The following SBNO1 variants were observed in gnomAD, a reference collection of about 807,000 sequenced individuals.
SBNO1 encodes the protein strawberry notch homolog 1.
In SBNO1, 23 loss-of-function variants were observed where a neutral mutation model predicts 173.6. That is an observed-to-expected ratio of 0.13 (90% CI 0.10 to 0.19). SBNO1 has a LOEUF of 0.19. Among genes scored for constraint, SBNO1 ranks in the 10% least tolerant of loss-of-function variants. SBNO1 has a pLI of 1.00. For synonymous variants in SBNO1, 632 were observed against 571.5 expected (o/e 1.11, Z -1.51); for missense variants, 1,238 against 1,671.2 (o/e 0.74, Z 4.52).
chr12:123,352,235 C>G (rs1273496055), intron 1 of SBNO1, among the ~76,000 whole-genome samples: 3 of 152,196 alleles, frequency 2.0e-5, no homozygotes, highest in Non-Finnish European at 4.4e-5. Flanking sequence ...TAATTTTCAG[C>G]TAGTCCATTT....
chr12:123,321,445 G>A (rs1375349827), intron 17 of SBNO1, 90 bp downstream of exon 17: 1 of 910,170 alleles, frequency 1.1e-6, no homozygotes. Context: ...GTGATCATTT[G>A]TACTGTACAG....
intron 1 of SBNO1, among the ~76,000 whole-genome samples, chr12:123,357,239 G>A (rs1226573209): frequency 6.6e-6 from 1 of 151,916 alleles, no homozygotes; most frequent in Non-Finnish European, 1.5e-5. Flanking sequence ...TTGAGGTCAG[G>A]AGTTCGAGAC....
chr12:123,302,944 A>C (rs2138888818), intron 29 of SBNO1, 44 bp from the exon 30 acceptor site: 1 of 1,414,204 alleles, frequency 7.1e-7, no homozygotes, highest in East Asian at 2.3e-5. Context: ...TATTGCTTTA[A>C]ATAAACTGGT....
intron 13 of SBNO1, among the ~76,000 whole-genome samples, 157 bp downstream of exon 13, chr12:123,327,269 C>T (rs929729400): frequency 6.6e-6 from 1 of 152,112 alleles, no homozygotes; most frequent in Non-Finnish European, 1.5e-5. Flanking sequence ...CCTCAGCCTC[C>T]CAAAGTGCTG....
At chr12:123,338,403 C>A (rs1872112148) in intron 5 of SBNO1, among the ~76,000 whole-genome samples, 1 of 151,828 alleles carries the variant, frequency 6.6e-6, no homozygotes, top group African/African-American at 2.4e-5. Context: ...AAAATACAGG[C>A]CAGGCACAGT....
intron 1 of SBNO1, chr12:123,363,799 G>A (rs371692861): frequency 1.1e-6 from 1 of 928,980 alleles, no homozygotes; most frequent in Non-Finnish European, 1.3e-6. Context: ...TCAAGTTAGT[G>A]GTCCGCAAAC....
At position 123,320,485 on chromosome 12, in the gene SBNO1, TA is replaced by T; in HGVS notation, c.2613del (p.Asn872IlefsTer19). 2 of 1,614,028 alleles carry T rather than the reference TA, an allele frequency of 1.2e-6. No homozygotes were observed. The highest frequency in any genetic ancestry group is 1.7e-6 in the Non-Finnish European group (2 of 1,179,990). Reference protein sequence around the residue: ...KLEKLAEDLPPNTLDELIDEL... With the variant: ...KLEKLAEDLPXNTLDELIDEL... Reference sequence around the variant, plus strand: ...TCATCGATAAGTTCATCCAGGGTATTAGGGGGGAGGTCTTCAGCTAATTTTT... The same window carrying T: ...TCATCGATAAGTTCATCCAGGGTATTGGGGGGAGGTCTTCAGCTAATTTTT... On this transcript the variant is annotated frameshift_variant, in exon 19 of 32. Transcript: ENST00000602398. LOFTEE classifies it high-confidence loss of function.
intron 1 of SBNO1, among the ~76,000 whole-genome samples, chr12:123,359,099 A>AT (rs1566058556): frequency 1.3e-5 from 2 of 151,658 alleles, no homozygotes; most frequent in African/African-American, 4.8e-5. Context: ...TACTCAGCTA[A>AT]TTTTTTTGTA....
intron 1 of SBNO1, among the ~76,000 whole-genome samples, chr12:123,350,850 G>A (rs1873788440): frequency 1.8e-5 from 1 of 54,090 alleles, no homozygotes; most frequent in Non-Finnish European, 3.8e-5. Context: ...ACTATGGCTG[G>A]AGGCCAGATG....
intron 4 of SBNO1, among the ~76,000 whole-genome samples, chr12:123,341,818 G>T (rs995823924): frequency 6.6e-6 from 1 of 151,486 alleles, no homozygotes; most frequent in Non-Finnish European, 1.5e-5. Flanking sequence ...GTGAGCCACC[G>T]CACCTGGCCT....
intron 4 of SBNO1, among the ~76,000 whole-genome samples, chr12:123,343,809 T>G (rs1397379296): frequency 6.6e-6 from 1 of 152,200 alleles, no homozygotes; most frequent in African/African-American, 2.4e-5. Flanking sequence ...GTGCTGGGAT[T>G]ACAGGCATGA....
At position 123,313,877 on chromosome 12, in the gene SBNO1, T is replaced by C. The variant is rs373557888; in HGVS notation, c.3121-158A>G. ...GTCGAGGTGGGTGGATCACCCGAGG[T>C]TGGGAGTTCAAGACCAACCTGACCA... On this transcript the variant is annotated intron_variant, in intron 23 of 31. Transcript: ENST00000602398. Among the ~76,000 whole-genome samples the C allele has an allele frequency of 4.2e-3, 638 of 152,046 alleles. 3 individuals are homozygous for C. The highest frequency in any genetic ancestry group is 0.015 in the African/African-American group (616 of 41,492).
chr12:123,315,308 T>C (rs1869142892), intron 23 of SBNO1, 65 bp downstream of exon 23: 2 of 1,283,698 alleles, frequency 1.6e-6, no homozygotes, highest in South Asian at 1.2e-5. Context: ...TACTTTCCTT[T>C]TGTGTTCCCG....
chr12:123,336,529 G>T, intron 5 of SBNO1, 38 bp from the exon 6 acceptor site: 1 of 1,331,212 alleles, frequency 7.5e-7, no homozygotes, highest in East Asian at 2.4e-5. Context: ...CCCAAATCCA[G>T]GGACCAGACG....
intron 3 of SBNO1, among the ~76,000 whole-genome samples, chr12:123,345,929 C>T (rs1873077872): frequency 6.6e-6 from 1 of 152,214 alleles, no homozygotes; most frequent in African/African-American, 2.4e-5. Flanking sequence ...TCCCAAAGTG[C>T]TGGGACTACA....
chr12:123,362,333 G>A (rs540533915), intron 1 of SBNO1, among the ~76,000 whole-genome samples: 1 of 149,188 alleles, frequency 6.7e-6, no homozygotes, highest in East Asian at 2.0e-4. Context: ...CTACTTGGGA[G>A]GCTGAGGCAG....
chr12:123,329,930 C>A (rs1446468855), intron 9 of SBNO1, among the ~76,000 whole-genome samples: 1 of 152,162 alleles, frequency 6.6e-6, no homozygotes, highest in Non-Finnish European at 1.5e-5. Context: ...TGTCTTTCAG[C>A]TTACAGAATT....
chr12:123,310,312 C>T (rs2049020759), intron 25 of SBNO1, among the ~76,000 whole-genome samples: 2 of 152,116 alleles, frequency 1.3e-5, no homozygotes, highest in South Asian at 2.1e-4. Context: ...TGGCTCACTG[C>T]AACCTCCCCC....
Position 123,345,401 on chromosome 12 carries a change from G to A in SBNO1, c.407C>T (p.Ala136Val), listed in dbSNP as rs777110519. The change falls in exon 4 of 32, where the codon GCA (alanine) becomes GTA (valine). Residue 136 changes from alanine to valine, a missense_variant. Transcript: ENST00000602398. ...TTASTRPSVS[A>V]PTVRNAMTSA... The stretch of plus-strand genomic sequence containing the variant: ...GGTCATGGCATTTCGTACTGTTGGT[G>A]CTGAGACTGACGGGCGTGTGCTTGC... 31 of 1,614,064 alleles carry A rather than the reference G, an allele frequency of 1.9e-5. No homozygotes were observed. Among genetic ancestry groups the A allele is most frequent in the African/African-American group, 4.0e-5 (3 of 74,926 alleles).
Sources: allele counts gnomAD v4.1 joint callset (sites outside exome capture counted in the v4.1 genomes callset), GRCh38; gene constraint gnomAD v4.1.1; transcripts MANE v1.5; gene names NCBI Gene and HGNC (gene_info 2026-07-23, HGNC 2026-07-21).